Variants in EXOC6 observed in about 807,000 individuals in gnomAD.
EXOC6 encodes exocyst complex component 6, also known as SEC15-like 1.
A neutral mutation model predicts 112.5 loss-of-function variants in EXOC6; 60 were observed. That is an observed-to-expected ratio of 0.53 (90% CI 0.43 to 0.66). The LOEUF (loss-of-function observed/expected upper bound fraction) is 0.66. Ranked by LOEUF, EXOC6 falls within the 30% of genes least tolerant of loss-of-function variation. EXOC6 has a pLI of 0.00. For synonymous variants in EXOC6, 295 were observed against 308.0 expected (o/e 0.96, Z 0.44); for missense variants, 855 against 957.1 (o/e 0.89, Z 1.41).
At chr10:92,849,903 C>T (rs1338475528) in intron 1 of EXOC6, among the ~76,000 whole-genome samples, 1 of 152,178 alleles carries the variant, frequency 6.6e-6, no homozygotes, top group Non-Finnish European at 1.5e-5. Context: ...TTGTTCACTA[C>T]TGTATCCCTA....
rs180750069 is a variant in EXOC6 at position 92,990,650 on chromosome 10, A to C, written c.1954-6824A>C. ...TTTTCTATTTTAAGTTCCAGGGTAC[A>C]TGTGCAGGATGTGCAGGTTTGTTAT... On this transcript the variant is annotated intron_variant, in intron 18 of 21. Coordinates refer to ENST00000260762, the MANE Select transcript of EXOC6 (RefSeq NM_019053.6). Among the ~76,000 whole-genome samples, 1,059 of 152,238 alleles carry C rather than the reference A, an allele frequency of 7.0e-3. 22 individuals carry two copies. The highest frequency in any genetic ancestry group is 0.024 in the African/African-American group (1,008 of 41,526).
chr10:92,947,021 G>A (rs1449701606), intron 13 of EXOC6, among the ~76,000 whole-genome samples: 1 of 152,114 alleles, frequency 6.6e-6, no homozygotes, highest in African/African-American at 2.4e-5. Context: ...ATTGTCATGA[G>A]GTAGGGAATT....
chr10:92,885,222 T>C (rs957551387), intron 1 of EXOC6, among the ~76,000 whole-genome samples: 1 of 152,200 alleles, frequency 6.6e-6, no homozygotes, highest in Admixed American at 6.5e-5. Context: ...ATAATGAAGA[T>C]AGAAAATGTG....
chr10:92,960,663 G>C (rs192508127), intron 17 of EXOC6, among the ~76,000 whole-genome samples: 35 of 149,624 alleles, frequency 2.3e-4, no homozygotes, highest in African/African-American at 6.9e-4. Flanking sequence ...TAGCACCGTA[G>C]AAGCCTTCCT....
At chr10:92,850,921 T>C (rs1847295552) in intron 1 of EXOC6, among the ~76,000 whole-genome samples, 1 of 152,144 alleles carries the variant, frequency 6.6e-6, no homozygotes, top group Non-Finnish European at 1.5e-5. Flanking sequence ...CATGGTTCTT[T>C]GACCACAACA....
At chr10:92,938,930 G>A (rs1852505471) in intron 12 of EXOC6, among the ~76,000 whole-genome samples, 1 of 152,098 alleles carries the variant, frequency 6.6e-6, no homozygotes, top group African/African-American at 2.4e-5. Flanking sequence ...TGAAGGATGA[G>A]TTCAGCAAAT....
intron 18 of EXOC6, among the ~76,000 whole-genome samples, chr10:92,981,925 G>A (rs1302811243): frequency 1.3e-5 from 2 of 152,176 alleles, no homozygotes; most frequent in Admixed American, 6.5e-5. Context: ...AGACCAGCCT[G>A]ACCAACATGG....
At chr10:92,974,657 A>G (rs1016917964) in intron 18 of EXOC6, among the ~76,000 whole-genome samples, 9 of 137,458 alleles carry the variant, frequency 6.5e-5, no homozygotes, top group Admixed American at 7.5e-5. Context: ...GCTCACTGCA[A>G]CCTCCCTGCC....
chr10:92,889,415 C>T (rs2074444145), intron 1 of EXOC6, among the ~76,000 whole-genome samples: 1 of 152,112 alleles, frequency 6.6e-6, no homozygotes, highest in East Asian at 1.9e-4. Flanking sequence ...GCCTCCCCAG[C>T]GTCAATATCC....
chr10:92,936,015 T>C, intron 12 of EXOC6, 130 bp downstream of exon 12: 1 of 598,082 alleles, frequency 1.7e-6, no homozygotes, highest in Non-Finnish European at 2.9e-6. Context: ...ACCTACATAT[T>C]GATATTCTGC....
rs144464550 is a variant in EXOC6, at chr10:92,851,542, C to T, written c.101+2908C>T. 3.0e-3 allele frequency among the ~76,000 whole-genome samples: 457 copies of T among 151,962 alleles called. 1 individual carries two copies. Among genetic ancestry groups the T allele is most frequent in the Non-Finnish European group, 5.1e-3 (350 of 67,964 alleles). On this transcript the variant is annotated intron_variant, in intron 1 of 21. Transcript: ENST00000260762. ...GCACACGCTTGTAATCCCAGCTGCT[C>T]GAGAGGCTGAGGCAGGAGAATCGCT... is the stretch of plus-strand genomic sequence containing the variant.
At chr10:92,898,625 T>C (rs116262512) in intron 4 of EXOC6, among the ~76,000 whole-genome samples, 1,617 of 152,232 alleles carry the variant, frequency 0.011, 33 homozygotes, top group African/African-American at 0.037. Context: ...AGTTTATGTG[T>C]TCCCTCTAAT....
chr10:92,860,154 T>C (rs2133675556), intron 1 of EXOC6, among the ~76,000 whole-genome samples: 1 of 152,208 alleles, frequency 6.6e-6, no homozygotes, highest in East Asian at 1.9e-4. Flanking sequence ...TAAATTGTGA[T>C]AAAATTCATA....
intron 18 of EXOC6, among the ~76,000 whole-genome samples, chr10:92,985,916 G>A (rs558281048): frequency 2.0e-4 from 30 of 152,088 alleles, no homozygotes; most frequent in African/African-American, 5.1e-4. Context: ...AAATTATGAC[G>A]TAGGCAGCTT....
rs1564810027 is a variant in EXOC6 at position 92,896,173 on chromosome 10, ATATATATATTTTTTTTTTTTT to A, written c.412+1155_412+1175del. Reference sequence around the variant, plus strand: ...TATATATATATATATATATATATATATATATATATTTTTTTTTTTTTTTTTTTTTTTTTTTTTTTTTTTTGG... The same window carrying A: ...TATATATATATATATATATATATATATTTTTTTTTTTTTTTTTTTTTTTGG... On this transcript the variant is annotated intron_variant, in intron 4 of 21. Coordinates refer to ENST00000260762, the MANE Select transcript of EXOC6 (RefSeq NM_019053.6). Among the ~76,000 whole-genome samples the A allele has an allele frequency of 4.2e-3, 99 of 23,800 alleles. 4 individuals carry two copies. The highest frequency in any genetic ancestry group is 0.01 in the African/African-American group (53 of 5,256). 15.6% of individuals were successfully genotyped at this position (23,800 alleles called of 152,430 possible).
chr10:92,919,908 C>A (rs1851330478), intron 7 of EXOC6, 74 bp from the exon 8 acceptor site: 18 of 884,016 alleles, frequency 2.0e-5, no homozygotes, highest in Non-Finnish European at 3.1e-5. Context: ...TCTTGCCTAT[C>A]TTTAACTTTA....
chr10:92,984,094 C>T (rs779213723), intron 18 of EXOC6, among the ~76,000 whole-genome samples: 28 of 152,052 alleles, frequency 1.8e-4, no homozygotes, highest in Admixed American at 1.3e-3. Flanking sequence ...TGATTATGCC[C>T]ATATTGTTCC....
At position 92,934,203 on chromosome 10, in the gene EXOC6, T is replaced by C. The variant is rs775793966; in HGVS notation, c.1019+13T>C. 5 of 1,534,444 alleles carry C rather than the reference T, an allele frequency of 3.3e-6. No individual in the cohort carries two copies. In the East Asian group the frequency reaches 1.1e-4, roughly 35 times the overall value. ...CTCAAATTGTAGGGTATGTATCTAA[T>C]ATGGAAATAACTATTATTAATTTTA... is the stretch of plus-strand genomic sequence containing the variant. On this transcript the variant is annotated intron_variant, in intron 10 of 21. Coordinates refer to ENST00000260762, the MANE Select transcript of EXOC6 (RefSeq NM_019053.6).
chr10:92,923,022 G>A (rs1172100895), intron 8 of EXOC6, among the ~76,000 whole-genome samples: 1 of 152,146 alleles, frequency 6.6e-6, no homozygotes, highest in Non-Finnish European at 1.5e-5. Context: ...TTGGTGCTCT[G>A]CTCAGATTCC....
Sources: gnomAD v4.1 joint callset for allele counts (sites outside exome capture counted in the v4.1 genomes callset) on GRCh38, gnomAD v4.1.1 for gene constraint, MANE v1.5 for transcripts, NCBI Gene and HGNC (gene_info 2026-07-23, HGNC 2026-07-21) for gene names.